CA5B: variants seen among roughly 807,000 people sequenced by gnomAD.
CA5B encodes carbonic anhydrase 5B, mitochondrial.
In CA5B, 15 loss-of-function variants were observed where a neutral mutation model predicts 23.1. That is an observed-to-expected ratio of 0.65 (90% CI 0.43 to 1.00). The LOEUF (loss-of-function observed/expected upper bound fraction) is 1.00. Ranked by LOEUF, CA5B falls within the 50% of genes least tolerant of loss-of-function variation. CA5B has a pLI of 0.00. For synonymous variants in CA5B, 84 were observed against 98.5 expected, an observed-to-expected ratio of 0.85 and a Z score of 0.87; for missense variants, 236 against 252.2, an observed-to-expected ratio of 0.94 and a Z score of 0.43.
In CA5B at chrX:15,783,558, G is replaced by T; in HGVS notation, c.*894G>T. ...TGTAATCCCAGCACTTTGGGAGGCTGAGGCGGGTAGCTCACTTGAGGTCAG... is the reference window on the plus strand; with the variant it reads ...TGTAATCCCAGCACTTTGGGAGGCTTAGGCGGGTAGCTCACTTGAGGTCAG... On this transcript the variant is annotated 3_prime_UTR_variant, in exon 8 of 8. Transcript: ENST00000318636. 1 of 110,498 alleles carries T rather than the reference G, an allele frequency of 9.0e-6. No homozygotes were observed. The highest frequency in any genetic ancestry group is 2.9e-4 in the East Asian group (1 of 3,468). 9.1% of individuals were successfully genotyped at this position (110,498 alleles called of 1,213,427 possible).
At chrX:15,752,291 A>G (rs1486993658) in intron 2 of CA5B, among the ~76,000 whole-genome samples, 1 of 111,308 alleles carries the variant, frequency 9.0e-6, no homozygotes, top group Non-Finnish European at 1.9e-5. Flanking sequence ...ATATATCGTG[A>G]TTTACTTTCC....
At chrX:15,743,505 G>A (rs1328485421) in intron 1 of CA5B, among the ~76,000 whole-genome samples, 1 of 111,997 alleles carries the variant, frequency 8.9e-6, no homozygotes, top group Non-Finnish European at 1.9e-5. Flanking sequence ...CTTAATAGAT[G>A]TTCAATTGAT....
chrX:15,778,490 G>A (rs1405448135), intron 7 of CA5B, among the ~76,000 whole-genome samples: 1 of 111,677 alleles, frequency 9.0e-6, no homozygotes, highest in East Asian at 2.8e-4. Flanking sequence ...GCGTGTTCCT[G>A]GCACATGGAT....
At chrX:15,753,391 G>C (rs1400441380) in intron 2 of CA5B, among the ~76,000 whole-genome samples, 1 of 112,119 alleles carries the variant, frequency 8.9e-6, no homozygotes, top group African/African-American at 3.2e-5. Flanking sequence ...GTTAAGATAA[G>C]GGGGATTGTA....
intron 2 of CA5B, among the ~76,000 whole-genome samples, chrX:15,755,798 A>C (rs762127778): frequency 4.4e-5 from 5 of 112,542 alleles, no homozygotes; most frequent in Admixed American, 9.4e-5. Context: ...AAATATGAGT[A>C]ATTCTATATT....
intron 1 of CA5B, among the ~76,000 whole-genome samples, chrX:15,743,398 TTTG>T (rs749029272): frequency 8.9e-6 from 1 of 112,581 alleles, no homozygotes; most frequent in African/African-American, 3.2e-5. Flanking sequence ...GTTTATTACA[TTTG>T]TTGTTTATTA....
chrX:15,777,693 C>T (rs752996775), intron 7 of CA5B, among the ~76,000 whole-genome samples: 1 of 112,342 alleles, frequency 8.9e-6, no homozygotes, highest in South Asian at 3.6e-4. Context: ...GTAATTCATT[C>T]TATCAGTGGA....
At chrX:15,740,528 C>T (rs1352015725) in intron 1 of CA5B, among the ~76,000 whole-genome samples, 2 of 112,555 alleles carry the variant, frequency 1.8e-5, no homozygotes, top group Admixed American at 1.9e-4. Flanking sequence ...CCTGGAACCT[C>T]CTCACCTGGA....
intron 2 of CA5B, among the ~76,000 whole-genome samples, chrX:15,752,644 G>A (rs1005465151): frequency 7.3e-5 from 8 of 110,095 alleles, no homozygotes; most frequent in Non-Finnish European, 1.3e-4. Flanking sequence ...AGAATGGCGT[G>A]AACCCGGGAG....
chrX:15,743,473 G>T (rs1035818774), intron 1 of CA5B, among the ~76,000 whole-genome samples: 1 of 111,897 alleles, frequency 8.9e-6, no homozygotes, highest in Non-Finnish European at 1.9e-5. Context: ...GTTCCCCAAT[G>T]AACCTAGAAC....
chrX:15,768,737 T>C (rs1020977690), intron 3 of CA5B: 7 of 111,258 alleles, frequency 6.3e-5, no homozygotes, highest in Admixed American at 2.9e-4. Context: ...AAAGAGTGAA[T>C]GAACATAAAA....
intron 7 of CA5B, among the ~76,000 whole-genome samples, chrX:15,778,874 CAG>C (rs1342257543): frequency 9.0e-5 from 10 of 110,638 alleles, no homozygotes; most frequent in Non-Finnish European, 1.1e-4. Context: ...TCCCCTGACA[CAG>C]GGGGATTACA....
intron 1 of CA5B, chrX:15,749,753 G>A (rs1267155220): frequency 3.9e-6 from 1 of 259,379 alleles, no homozygotes; most frequent in Non-Finnish European, 6.8e-6. Flanking sequence ...GAAAGGCAAA[G>A]CATGTGAGTC....
intron 3 of CA5B, among the ~76,000 whole-genome samples, chrX:15,768,213 T>C (rs1931751223): frequency 9.0e-6 from 1 of 110,720 alleles, no homozygotes; most frequent in Admixed American, 9.6e-5. Context: ...AATTTTTGTA[T>C]TTTTTGTAGA....
At chrX:15,747,259 A>T (rs1931253841) in intron 1 of CA5B, among the ~76,000 whole-genome samples, 2 of 111,963 alleles carry the variant, frequency 1.8e-5, no homozygotes, top group African/African-American at 6.5e-5. Flanking sequence ...GTAAAGAAAG[A>T]GTTTAAGTAG....
In CA5B at chrX:15,752,461, T is replaced by C. The variant is rs142330280; in HGVS notation, c.142+2296T>C. Among the ~76,000 whole-genome samples the C allele has an allele frequency of 9.5e-3, 1,071 of 112,187 alleles. 5 individuals carry two copies. The highest frequency in any genetic ancestry group is 0.015 in the Admixed American group (159 of 10,634). ...AATCTCTGGGCCAGGCGCGATGGCT[T>C]ACGCCTGTAATCTCAGCACTTTGCG... On this transcript the variant is annotated intron_variant, in intron 2 of 7. Transcript: ENST00000318636.
At chrX:15,750,405 G>T (rs776317147) in intron 2 of CA5B, 7 of 287,749 alleles carry the variant, frequency 2.4e-5, no homozygotes, top group South Asian at 1.5e-4. Flanking sequence ...GTTGATTCAT[G>T]AAAGTAAATG....
intron 2 of CA5B, among the ~76,000 whole-genome samples, chrX:15,756,141 C>G (rs1005038950): frequency 9.0e-6 from 1 of 111,648 alleles, no homozygotes; most frequent in African/African-American, 3.3e-5. Context: ...GGGGCTTGAA[C>G]TGACCTTGAA....
chrX:15,787,026 C>G lies in CA5B; in HGVS notation c.*4362C>G, dbSNP rs1189169759. 8.9e-5 allele frequency: 10 copies of G among 111,797 alleles called. No homozygotes were observed. In the East Asian group the frequency reaches 2.0e-3, roughly 22 times the overall value. The allele number at this position is 111,797 out of a possible 1,213,427, so 9.2% of individuals were successfully genotyped here. ...GCAAGGGACAAAAGAGGCCCTGGCT[C>G]CATTGTGAGCCAGTCCCCCAGGGCT... On this transcript the variant is annotated 3_prime_UTR_variant, in exon 8 of 8. Transcript: ENST00000318636.
Sources: allele counts gnomAD v4.1 joint callset (sites outside exome capture counted in the v4.1 genomes callset), GRCh38; gene constraint gnomAD v4.1.1; transcripts MANE v1.5; gene names NCBI Gene and HGNC (gene_info 2026-07-23, HGNC 2026-07-21).